The following ATP6V0A4 variants were observed in gnomAD, a reference collection of about 807,000 sequenced individuals.
ATP6V0A4 encodes V-type proton ATPase 116 kDa subunit a 4.
Under a neutral mutation model 107.3 loss-of-function variants are expected in ATP6V0A4, and 86 were observed. That is an observed-to-expected ratio of 0.80 (90% CI 0.67 to 0.96). The LOEUF (loss-of-function observed/expected upper bound fraction) is 0.96, where lower values mean the gene tolerates loss of function less well. Among genes scored for constraint, ATP6V0A4 ranks in the 40% least tolerant of loss-of-function variants. ATP6V0A4 has a pLI of 0.00. For synonymous variants in ATP6V0A4, 353 were observed against 381.4 expected, an observed-to-expected ratio of 0.93 and a Z score of 0.87; for missense variants, 908 against 1,045.6, an observed-to-expected ratio of 0.87 and a Z score of 1.81.
rs1428552857 is a variant in ATP6V0A4, at chr7:138,707,349, TA to T, written c.2430-633del. ...ATTTATATTTATAATATATATATTATAATATATATTATATTATATATATATT... is the reference window on the plus strand; with the variant it reads ...ATTTATATTTATAATATATATATTATATATATATTATATTATATATATATT... On this transcript the variant is annotated intron_variant, in intron 21 of 21. Transcript: ENST00000310018. 3.5e-5 allele frequency among the ~76,000 whole-genome samples: 2 copies of T among 56,440 alleles called. 1 individual carries two copies. The highest frequency in any genetic ancestry group is 9.5e-4 in the South Asian group (2 of 2,114). The allele number at this position is 56,440 out of a possible 152,430, so 37.0% of individuals were successfully genotyped here. A position where few individuals can be genotyped will look rare whatever the true frequency, so the allele number is the denominator to read the frequency against.
chr7:138,796,401 C>A (rs75962475), intron 1 of ATP6V0A4, among the ~76,000 whole-genome samples: 1 of 152,106 alleles, frequency 6.6e-6, no homozygotes, highest in African/African-American at 2.4e-5. Context: ...AAAGTGCCTC[C>A]CCTGGGCTGT....
intron 2 of ATP6V0A4, among the ~76,000 whole-genome samples, chr7:138,772,521 T>C (rs1227565294): frequency 1.3e-5 from 2 of 152,150 alleles, no homozygotes; most frequent in Non-Finnish European, 2.9e-5. Context: ...AGTTCCACCA[T>C]ACAGTCATAA....
At chr7:138,784,238 A>ATATATATATATACATATATATACG (rs1584950814) in intron 2 of ATP6V0A4, among the ~76,000 whole-genome samples, 2 of 49,004 alleles carry the variant, frequency 4.1e-5, no homozygotes, top group African/African-American at 1.7e-4. Context: ...ATATATACGT[A>ATATATATATATACATATATATACG]TATATATATA....
At chr7:138,736,042 T>C (rs1378294270) in intron 15 of ATP6V0A4, among the ~76,000 whole-genome samples, 2 of 151,752 alleles carry the variant, frequency 1.3e-5, no homozygotes, top group African/African-American at 2.4e-5. Flanking sequence ...CACTCCAGCC[T>C]GGGCAACAAA....
chr7:138,786,237 G>A lies in ATP6V0A4; in HGVS notation c.-97C>T, dbSNP rs942507432. The A allele has an allele frequency of 6.6e-6, 1 of 152,190 alleles. No individual in the cohort carries two copies. The highest frequency in any genetic ancestry group is 1.5e-5 in the Non-Finnish European group (1 of 68,070). 9.4% of individuals were successfully genotyped at this position (152,190 alleles called of 1,614,324 possible). A position where few individuals can be genotyped will look rare whatever the true frequency, so the allele number is the denominator to read the frequency against. ...TTTCATTCCTGTCTTCACTTGCCACGTCATGGAGGAACTGGAAATGAGACT... is the reference window on the plus strand; with the variant it reads ...TTTCATTCCTGTCTTCACTTGCCACATCATGGAGGAACTGGAAATGAGACT... On this transcript the variant is annotated 5_prime_UTR_variant, in exon 2 of 22. The change creates a new upstream start codon in the 5' untranslated region. Coordinates refer to ENST00000310018, the MANE Select transcript of ATP6V0A4 (RefSeq NM_020632.3).
At chr7:138,751,616 C>T (rs1311835059) in intron 11 of ATP6V0A4, among the ~76,000 whole-genome samples, 1 of 151,768 alleles carries the variant, frequency 6.6e-6, no homozygotes, top group Non-Finnish European at 1.5e-5. Flanking sequence ...TCTATCAAAG[C>T]AGGGTCTTGG....
At chr7:138,756,611 G>A in intron 8 of ATP6V0A4, 71 bp from the exon 9 acceptor site, 5 of 1,549,728 alleles carry the variant, frequency 3.2e-6, no homozygotes, top group Non-Finnish European at 4.4e-6. Context: ...AGAGAGAAAT[G>A]TAAAGTCCTG....
chr7:138,745,274 T>A lies in ATP6V0A4; in HGVS notation c.1327A>T (p.Asn443Tyr), dbSNP rs542662856. 14 of 1,613,898 alleles carry A rather than the reference T, an allele frequency of 8.7e-6. No homozygotes were observed. The African/African-American group carries it at 1.2e-4, about 14-fold the overall frequency. The change falls in exon 14 of 22, where the codon AAC (asparagine) becomes TAC (tyrosine). Residue 443 changes from asparagine to tyrosine, a missense_variant. Transcript: ENST00000310018. ...LSQKTDNEIW[N>Y]TFFHGRYLIL... ...AGATAGCGCCCGTGGAAGAAGGTGTTCCAAATCTGGCCTCAGAGAGACAGA... is the reference window on the plus strand; with the variant it reads ...AGATAGCGCCCGTGGAAGAAGGTGTACCAAATCTGGCCTCAGAGAGACAGA...
At chr7:138,745,671 A>AAAAAAAAAAAAAAAAAAAAAAAAAAAACC (rs1389907501) in intron 13 of ATP6V0A4, among the ~76,000 whole-genome samples, 1 of 142,416 alleles carries the variant, frequency 7.0e-6, no homozygotes. Context: ...AAAAAAAAAA[A>AAAAAAAAAAAAAAAAAAAAAAAAAAAACC]GGCCGGGTGT....
intron 8 of ATP6V0A4, 36 bp from the exon 9 acceptor site, chr7:138,756,576 G>A: frequency 6.3e-7 from 1 of 1,599,028 alleles, no homozygotes; most frequent in Non-Finnish European, 8.5e-7. Context: ...AAAAGGGGGG[G>A]GTTTCTTTCT....
intron 2 of ATP6V0A4, among the ~76,000 whole-genome samples, chr7:138,783,432 A>C (rs548160664): frequency 1.3e-5 from 2 of 152,236 alleles, no homozygotes; most frequent in East Asian, 3.9e-4. Context: ...TTTAATTAAA[A>C]ATTTTAAAAA....
intron 20 of ATP6V0A4, among the ~76,000 whole-genome samples, chr7:138,713,045 T>C (rs773339188): frequency 3.0e-4 from 46 of 151,752 alleles, no homozygotes; most frequent in Non-Finnish European, 5.9e-4. Context: ...AATTCCAGCA[T>C]TTTGGGAGGC....
intron 1 of ATP6V0A4, among the ~76,000 whole-genome samples, chr7:138,788,192 C>T (rs1003489903): frequency 6.6e-6 from 1 of 152,094 alleles, no homozygotes; most frequent in Admixed American, 6.5e-5. Context: ...TTATTACAAA[C>T]CTGCAGCTTA....
At chr7:138,725,576 G>A (rs367639080) in intron 18 of ATP6V0A4, among the ~76,000 whole-genome samples, 19 of 151,866 alleles carry the variant, frequency 1.3e-4, no homozygotes, top group East Asian at 1.2e-3. Flanking sequence ...CAATGGCGGC[G>A]ATCTCAGCTC....
chr7:138,753,568 G>A (rs1010010313), intron 10 of ATP6V0A4, among the ~76,000 whole-genome samples: 1 of 152,172 alleles, frequency 6.6e-6, no homozygotes, highest in Non-Finnish European at 1.5e-5. Context: ...AATGAATGAA[G>A]GAATGAATGG....
chr7:138,788,652 A>T (rs561155924), intron 1 of ATP6V0A4, among the ~76,000 whole-genome samples: 27 of 152,252 alleles, frequency 1.8e-4, no homozygotes, highest in South Asian at 1.5e-3. Flanking sequence ...CCCAAATCTC[A>T]TCTTGAACTG....
intron 1 of ATP6V0A4, among the ~76,000 whole-genome samples, chr7:138,787,361 T>C (rs1052549577): frequency 6.6e-6 from 1 of 152,108 alleles, no homozygotes; most frequent in African/African-American, 2.4e-5. Context: ...TTCTAGAAAG[T>C]CGCATCGACA....
intron 1 of ATP6V0A4, among the ~76,000 whole-genome samples, chr7:138,796,618 CAT>C (rs3837055): frequency 0.35 from 52,919 of 149,234 alleles, 9,489 homozygotes; most frequent in South Asian, 0.5. Context: ...CTAATCTGCA[CAT>C]ACAAACTTCA....
At chr7:138,712,175 C>A (rs1285485270) in intron 20 of ATP6V0A4, among the ~76,000 whole-genome samples, 4 of 152,156 alleles carry the variant, frequency 2.6e-5, no homozygotes, top group Non-Finnish European at 4.4e-5. Context: ...CAGGTAATCC[C>A]CCCACCACCT....
Sources: gnomAD v4.1 joint callset for allele counts (sites outside exome capture counted in the v4.1 genomes callset) on GRCh38, gnomAD v4.1.1 for gene constraint, MANE v1.5 for transcripts, NCBI Gene and HGNC (gene_info 2026-07-23, HGNC 2026-07-21) for gene names.